Variants in SYNPO observed in about 807,000 individuals in gnomAD.
SYNPO encodes the protein synaptopodin.
In SYNPO, 19 loss-of-function variants were observed where a neutral mutation model predicts 49.5. The ratio of observed to expected loss-of-function variants is 0.38; its 90% CI spans 0.27 to 0.56. The LOEUF (loss-of-function observed/expected upper bound fraction) is 0.56, where lower values mean the gene tolerates loss of function less well. SYNPO is among the 20% of genes least tolerant of loss of function. The probability of loss-of-function intolerance (pLI) is 0.68; values close to 1 mark genes in which losing one functional copy is unlikely to be tolerated. For missense variants in SYNPO, 1,131 were observed against 1,248.3 expected (o/e 0.91, Z 1.42); for synonymous variants, 536 against 548.0 (o/e 0.98, Z 0.31).
chr5:150,618,476 G>T (rs1757043560), exon 2 of SYNPO: 1 of 1,551,494 alleles, frequency 6.4e-7, no homozygotes, highest in Non-Finnish European at 8.7e-7. Context: ...GGCTCTGGAA[G>T]CCGAGGAGAG....
At chr5:150,604,205 G>A (rs1456378365) in intron 1 of SYNPO, among the ~76,000 whole-genome samples, 1 of 152,258 alleles carries the variant, frequency 6.6e-6, no homozygotes, top group African/African-American at 2.4e-5. Context: ...CCTGGCATGG[G>A]CACGGTTATA....
chr5:150,607,685 C>T (rs572046627), intron 1 of SYNPO, among the ~76,000 whole-genome samples: 139 of 152,024 alleles, frequency 9.1e-4, no homozygotes, highest in African/African-American at 3.3e-3. Context: ...CAGTGGAGAC[C>T]AGCCCTCCTG....
At chr5:150,606,905 A>G (rs1319860438) in intron 1 of SYNPO, among the ~76,000 whole-genome samples, 1 of 152,150 alleles carries the variant, frequency 6.6e-6, no homozygotes, top group East Asian at 1.9e-4. Flanking sequence ...CCTGTCCAGT[A>G]TCTGACGCCC....
intron 1 of SYNPO, among the ~76,000 whole-genome samples, chr5:150,609,592 G>T (rs1421851894): frequency 6.6e-6 from 1 of 152,224 alleles, no homozygotes; most frequent in Non-Finnish European, 1.5e-5. Context: ...ATCATGCCTG[G>T]CTGGTTAGGC....
upstream of SYNPO, among the ~76,000 whole-genome samples, chr5:150,600,391 G>T (rs2151330072): frequency 6.6e-6 from 1 of 152,362 alleles, no homozygotes; most frequent in East Asian, 1.9e-4. Context: ...TGGGGCTCTG[G>T]GGTCTCCCCA....
intron 1 of SYNPO, among the ~76,000 whole-genome samples, chr5:150,611,142 C>T (rs181240246): frequency 5.9e-5 from 9 of 152,242 alleles, no homozygotes; most frequent in African/African-American, 1.7e-4. Context: ...ACTCCCAGGC[C>T]GCCTTTCTGG....
intron 1 of SYNPO, among the ~76,000 whole-genome samples, chr5:150,616,266 G>C (rs1253727064): frequency 6.6e-6 from 1 of 152,220 alleles, no homozygotes; most frequent in East Asian, 1.9e-4. Flanking sequence ...CGTGACCACA[G>C]CAGCTGAGGT....
At position 150,640,710 on chromosome 5, in the gene SYNPO, T is replaced by G. The variant is rs1757872051; in HGVS notation, c.-477T>G. ...GTGGAGGAGAAAAGTCACATCCAGC[T>G]CCTTCATGTTGCTGCCGATGTGGGA... On this transcript the variant is annotated 5_prime_UTR_variant, in exon 1 of 3. Coordinates refer to ENST00000307662, the MANE Select transcript of SYNPO (RefSeq NM_007286.6). 1.0e-6 allele frequency: 1 copy of G among 985,468 alleles called. No homozygotes were observed. The allele number at this position is 985,468 out of a possible 1,614,324, so 61.0% of individuals were successfully genotyped here.
At position 150,657,221 on chromosome 5, in the gene SYNPO, G is replaced by C; in HGVS notation, c.*134G>C. On this transcript the variant is annotated 3_prime_UTR_variant, in exon 3 of 3. Coordinates refer to ENST00000307662, the MANE Select transcript of SYNPO (RefSeq NM_007286.6). ...CAGCAGAGGAGAGCTCTGGGGTTGG[G>C]GATGGGTTAGGGACGCAAGCTTGAG... The C allele has an allele frequency of 9.9e-7, 1 of 1,007,086 alleles. No homozygotes were observed. Among genetic ancestry groups the C allele is most frequent in the Non-Finnish European group, 1.4e-6 (1 of 705,820 alleles). 62.4% of individuals were successfully genotyped at this position (1,007,086 alleles called of 1,614,324 possible).
At chr5:150,603,518 A>G (rs1346840285) in intron 1 of SYNPO, among the ~76,000 whole-genome samples, 3 of 152,228 alleles carry the variant, frequency 2.0e-5, no homozygotes, top group Admixed American at 6.5e-5. Context: ...AGTTGCTTAT[A>G]TGTGGATATT....
chr5:150,636,902 A>C (rs1282711402), upstream of SYNPO, among the ~76,000 whole-genome samples: 1 of 152,150 alleles, frequency 6.6e-6, no homozygotes, highest in Non-Finnish European at 1.5e-5. Flanking sequence ...AGAGAGACAG[A>C]TACAGCCCCA....
At chr5:150,650,987 C>T (rs903878262) in intron 2 of SYNPO, 21 of 1,245,680 alleles carry the variant, frequency 1.7e-5, no homozygotes, top group Middle Eastern at 3.1e-4. Context: ...TGCTGTCTGA[C>T]GCTTTTCTTC....
upstream of SYNPO, among the ~76,000 whole-genome samples, chr5:150,596,445 C>A (rs12186703): frequency 9.2e-5 from 14 of 151,996 alleles, no homozygotes; most frequent in African/African-American, 3.4e-4. Context: ...CAGAAGACGA[C>A]GTTCGATCCC....
In SYNPO at chr5:150,623,024, C is replaced by G. The variant is rs185183387; in HGVS notation, c.400+4257C>G. Among the ~76,000 whole-genome samples the G allele has an allele frequency of 6.6e-3, 1,007 of 152,352 alleles. 7 individuals are homozygous for G. The highest frequency in any genetic ancestry group is 0.014 in the South Asian group (67 of 4,830). On this transcript the variant is annotated intron_variant, in intron 2 of 2. Transcript: ENST00000394243. ...CACACATCCATGCATGGGGTACACA[C>G]TGGCACATACCTTCCTGAAGGCCCC...
At chr5:150,653,218 C>CAA (rs1434701815) in intron 2 of SYNPO, 1 of 152,218 alleles carries the variant, frequency 6.6e-6, no homozygotes, top group Non-Finnish European at 1.5e-5. Context: ...ACCCCCGACT[C>CAA]AAAAACATAC....
intron 1 of SYNPO, among the ~76,000 whole-genome samples, chr5:150,610,915 A>G (rs1735896131): frequency 6.6e-6 from 1 of 152,236 alleles, no homozygotes; most frequent in East Asian, 1.9e-4. Flanking sequence ...CAATTGAATA[A>G]TCAGAATATT....
the SYNPO span, among the ~76,000 whole-genome samples, chr5:150,588,153 A>G: frequency 6.6e-6 from 1 of 152,226 alleles, no homozygotes; most frequent in Admixed American, 6.5e-5. Context: ...CAAAGGCCTC[A>G]GCCTGACTTT....
chr5:150,628,246 A>G (rs1286570151), intron 2 of SYNPO, among the ~76,000 whole-genome samples: 2 of 152,262 alleles, frequency 1.3e-5, no homozygotes, highest in East Asian at 3.9e-4. Context: ...CCACCAGCCT[A>G]GCTTCAGCTT....
exon 2 of SYNPO, chr5:150,618,537 A>G: frequency 1.9e-6 from 3 of 1,550,780 alleles, no homozygotes; most frequent in Non-Finnish European, 2.6e-6. Flanking sequence ...GACCTGGAAG[A>G]GGATGAGGGG....
Sources: allele counts gnomAD v4.1 joint callset (sites outside exome capture counted in the v4.1 genomes callset), GRCh38; gene constraint gnomAD v4.1.1; transcripts MANE v1.5; gene names NCBI Gene and HGNC (gene_info 2026-07-23, HGNC 2026-07-21).